Variants in TACR1 observed in about 807,000 individuals in gnomAD.
TACR1 encodes tachykinin receptor 1.
TACR1 carries 25 observed loss-of-function variants against 35.8 expected under a neutral mutation model. That is an observed-to-expected ratio of 0.70 (90% confidence interval 0.51 to 0.98). The LOEUF (loss-of-function observed/expected upper bound fraction) is 0.98. TACR1 is among the 50% of genes least tolerant of loss of function. The pLI is 0.00. For missense variants in TACR1, 478 were observed against 522.9 expected, an observed-to-expected ratio of 0.91 and a Z score of 0.84; for synonymous variants, 195 against 206.7, an observed-to-expected ratio of 0.94 and a Z score of 0.48.
chr2:75,178,756 T>C (rs974839133), intron 1 of TACR1, among the ~76,000 whole-genome samples: 1 of 152,200 alleles, frequency 6.6e-6, no homozygotes, highest in African/African-American at 2.4e-5. Flanking sequence ...ACGTAGGTAC[T>C]TCCTTCTTCC....
chr2:75,088,853 T>C (rs188389719), intron 2 of TACR1, among the ~76,000 whole-genome samples: 14 of 152,232 alleles, frequency 9.2e-5, no homozygotes, highest in Non-Finnish European at 1.6e-4. Context: ...AATTTCCTTC[T>C]CTCTAATTTC....
chr2:75,198,433 C>T lies in TACR1; in HGVS notation c.389+113G>A, dbSNP rs1676045879. The T allele has an allele frequency of 1.1e-5, 14 of 1,282,422 alleles. 1 individual carries two copies. Among genetic ancestry groups the T allele is most frequent in the South Asian group, 7.3e-5 (5 of 68,058 alleles). 79.4% of individuals were successfully genotyped at this position (1,282,422 alleles called of 1,614,324 possible). On this transcript the variant is annotated intron_variant, in intron 1 of 4. Coordinates refer to ENST00000305249, the MANE Select transcript of TACR1 (RefSeq NM_001058.4). ...GACTCAGTTGATCAGTAAAAAAACC[C>T]TCAGAGTGGCCAATCTTCCACTTGA...
intron 2 of TACR1, among the ~76,000 whole-genome samples, chr2:75,067,161 G>A (rs970727840): frequency 6.6e-6 from 1 of 152,148 alleles, no homozygotes; most frequent in Non-Finnish European, 1.5e-5. Flanking sequence ...AGGTATTGTG[G>A]TGGACAGTTG....
intron 2 of TACR1, among the ~76,000 whole-genome samples, chr2:75,088,636 G>C (rs895369849): frequency 6.6e-6 from 1 of 152,086 alleles, no homozygotes; most frequent in Non-Finnish European, 1.5e-5. Flanking sequence ...CTGTCTGCAT[G>C]GCAGGGGGCA....
chr2:75,068,028 T>C (rs1464008664), intron 2 of TACR1, among the ~76,000 whole-genome samples: 2 of 152,210 alleles, frequency 1.3e-5, no homozygotes, highest in African/African-American at 4.8e-5. Flanking sequence ...TAATGAAGAC[T>C]GGGACTGGAA....
intron 1 of TACR1, chr2:75,187,041 G>T (rs554004358): frequency 1.3e-5 from 2 of 152,360 alleles, no homozygotes; most frequent in Non-Finnish European, 2.9e-5. Context: ...CTCGCCCCAG[G>T]ATTTGTAAAC....
intron 2 of TACR1, among the ~76,000 whole-genome samples, chr2:75,107,409 G>A (rs776318308): frequency 4.6e-5 from 7 of 151,702 alleles, no homozygotes; most frequent in Non-Finnish European, 1.0e-4. Context: ...CCATATTTCA[G>A]GCCAAAAAGA....
In TACR1 at chr2:75,198,557, C is replaced by G. The variant is rs968215065; in HGVS notation, c.378G>C (p.Val126=). The G allele has an allele frequency of 6.2e-7, 1 of 1,612,712 alleles. No homozygotes were observed. Among genetic ancestry groups the G allele is most frequent in the South Asian group, 1.1e-5 (1 of 91,066 alleles). ...VFASIYSMTA[V]AFDRYMAIIH... ...AAGGCTAATCTCACCTATCAAAGGCCACAGCCGTCATGGAGTAGATACTGG... is the reference window on the plus strand; with the variant it reads ...AAGGCTAATCTCACCTATCAAAGGCGACAGCCGTCATGGAGTAGATACTGG... The change falls in exon 1 of 5, where the codon GTG becomes GTC. Residue 126 remains valine (V), a synonymous_variant. Coordinates refer to ENST00000305249, the MANE Select transcript of TACR1 (RefSeq NM_001058.4).
chr2:75,049,433 T>C lies in TACR1; in HGVS notation c.1223A>G (p.Ter408TrpextTer68), dbSNP rs1672423443. Residue 408 changes from the stop codon to tryptophan (W), a stop_lost, in exon 5 of 5, where the codon TAG (stop) becomes TGG (tryptophan). Transcript: ENST00000305249. ...SFSFSSNVLS[*>W] ...TGCACCTGCCAAAGGCCCTGTGGCC[T>C]AGGAGAGCACATTGGAGGAGAAGCT... The C allele has an allele frequency of 8.1e-6, 13 of 1,611,818 alleles. No homozygotes were observed. Among genetic ancestry groups the C allele is most frequent in the Non-Finnish European group, 1.1e-5 (13 of 1,178,106 alleles).
intron 2 of TACR1, among the ~76,000 whole-genome samples, chr2:75,094,513 T>C (rs922698666): frequency 4.6e-5 from 7 of 152,096 alleles, no homozygotes; most frequent in African/African-American, 1.4e-4. Flanking sequence ...TCTACATAGT[T>C]TGTGATTCTC....
At chr2:75,173,082 G>T (rs537267027) in intron 1 of TACR1, among the ~76,000 whole-genome samples, 13 of 152,150 alleles carry the variant, frequency 8.5e-5, no homozygotes, top group African/African-American at 3.1e-4. Flanking sequence ...TGGGGTGGGG[G>T]GTCAGGAACG....
chr2:75,170,144 T>A (rs1291326239), intron 1 of TACR1, among the ~76,000 whole-genome samples: 1 of 152,202 alleles, frequency 6.6e-6, no homozygotes, highest in Non-Finnish European at 1.5e-5. Context: ...TTTTGAATTG[T>A]AGCTTTCATA....
At chr2:75,069,011 G>T (rs894142585) in intron 2 of TACR1, among the ~76,000 whole-genome samples, 2 of 152,200 alleles carry the variant, frequency 1.3e-5, no homozygotes, top group African/African-American at 4.8e-5. Context: ...AGGGTACCTG[G>T]TGGAAGGTAA....
rs564777595 is a variant in TACR1 at position 75,151,869 on chromosome 2, G to T, written c.390-31101C>A. ...CAGGCATGGAGCTGCCCAAGACCAT[G>T]GGAACCTACCTCTTGCATCACTGTG... On this transcript the variant is annotated intron_variant, in intron 1 of 4. Transcript: ENST00000305249. Among the ~76,000 whole-genome samples the T allele has an allele frequency of 1.8e-3, 236 of 131,360 alleles. 1 individual carries two copies. The highest frequency in any genetic ancestry group is 8.4e-3 in the African/African-American group (226 of 26,854). 86.2% of individuals were successfully genotyped at this position (131,360 alleles called of 152,430 possible).
intron 2 of TACR1, among the ~76,000 whole-genome samples, chr2:75,067,550 T>A (rs576075440): frequency 1.3e-5 from 2 of 152,232 alleles, no homozygotes; most frequent in African/African-American, 4.8e-5. Context: ...AACAGATACA[T>A]CAGCAAATAA....
intron 2 of TACR1, among the ~76,000 whole-genome samples, chr2:75,107,943 G>A (rs1182787454): frequency 7.3e-6 from 1 of 137,724 alleles, no homozygotes; most frequent in Admixed American, 7.2e-5. Context: ...TTAAAAATGT[G>A]AAAAGATGAT....
chr2:75,110,925 C>G (rs1673737628), intron 2 of TACR1, among the ~76,000 whole-genome samples: 1 of 151,946 alleles, frequency 6.6e-6, no homozygotes, highest in Non-Finnish European at 1.5e-5. Context: ...TCCCACCTTC[C>G]CCATAACCTC....
At chr2:75,103,182 G>A (rs530256106) in intron 2 of TACR1, among the ~76,000 whole-genome samples, 38 of 152,258 alleles carry the variant, frequency 2.5e-4, no homozygotes, top group Middle Eastern at 3.4e-3. Flanking sequence ...GAGCCCAGGT[G>A]TTGGTTTCTA....
chr2:75,058,429 A>G (rs1672612455), intron 2 of TACR1, among the ~76,000 whole-genome samples: 2 of 152,108 alleles, frequency 1.3e-5, no homozygotes, highest in Non-Finnish European at 1.5e-5. Flanking sequence ...GATTTCTGCC[A>G]GTTAGGATTT....
Sources: gnomAD v4.1 joint callset for allele counts (sites outside exome capture counted in the v4.1 genomes callset) on GRCh38, gnomAD v4.1.1 for gene constraint, MANE v1.5 for transcripts, NCBI Gene and HGNC (gene_info 2026-07-23, HGNC 2026-07-21) for gene names.